Variants in HIGD1A observed in about 807,000 individuals in gnomAD.
HIGD1A encodes the protein HIG1 domain family member 1A, mitochondrial.
In HIGD1A, 8 loss-of-function variants were observed where a neutral mutation model predicts 11.3. The ratio of observed to expected loss-of-function variants is 0.71; its 90% CI spans 0.42 to 1.28. HIGD1A has a LOEUF of 1.28. HIGD1A is among the 50% of genes most tolerant of loss of function. The pLI, the probability that HIGD1A is intolerant of heterozygous loss-of-function variation, is 0.01. For missense variants in HIGD1A, 107 were observed against 118.8 expected (o/e 0.90, Z 0.46); for synonymous variants, 32 against 38.4 (o/e 0.83, Z 0.62).
Position 42,784,720 on chromosome 3 carries a change from A to T in HIGD1A, c.*551T>A, listed in dbSNP as rs1288042052. 1 of 152,738 alleles carries T rather than the reference A, an allele frequency of 6.5e-6. No homozygotes were observed. The highest frequency in any genetic ancestry group is 2.4e-5 in the African/African-American group (1 of 41,460). 9.5% of individuals were successfully genotyped at this position (152,738 alleles called of 1,614,324 possible). Reference sequence around the variant, plus strand: ...TTGTGATTCTTTAATAAATACTATTATGCAGCTCTATTGTTTAAGCTTTCT... The same window carrying T: ...TTGTGATTCTTTAATAAATACTATTTTGCAGCTCTATTGTTTAAGCTTTCT... On this transcript the variant is annotated 3_prime_UTR_variant, in exon 4 of 4. Transcript: ENST00000321331.
At chr3:42,802,192 G>C (rs1700573841) in intron 1 of HIGD1A, among the ~76,000 whole-genome samples, 1 of 151,968 alleles carries the variant, frequency 6.6e-6, no homozygotes, top group Non-Finnish European at 1.5e-5. Flanking sequence ...AGGAGGGAGG[G>C]GGTTAGTTGT....
intron 1 of HIGD1A, among the ~76,000 whole-genome samples, chr3:42,801,079 C>A: frequency 6.6e-6 from 1 of 152,208 alleles, no homozygotes; most frequent in East Asian, 1.9e-4. Flanking sequence ...TCTGTCCCTA[C>A]TGGCATGAGC....
intron 2 of HIGD1A, among the ~76,000 whole-genome samples, chr3:42,789,978 C>T (rs1157304363): frequency 6.6e-6 from 1 of 151,940 alleles, no homozygotes; most frequent in African/African-American, 2.4e-5. Flanking sequence ...TGCCTCAGCC[C>T]CGCAAAGCAC....
chr3:42,793,909 T>G (rs1388533109), intron 2 of HIGD1A, among the ~76,000 whole-genome samples: 1 of 151,842 alleles, frequency 6.6e-6, no homozygotes, highest in Non-Finnish European at 1.5e-5. Context: ...GGTCGAGGGA[T>G]GGGGGCAGTG....
chr3:42,799,484 A>G (rs1700527934), intron 1 of HIGD1A, among the ~76,000 whole-genome samples: 1 of 152,126 alleles, frequency 6.6e-6, no homozygotes, highest in Non-Finnish European at 1.5e-5. Context: ...GTTTTATGAG[A>G]CAGGGTCTAG....
chr3:42,785,904 T>G, intron 3 of HIGD1A, 124 bp downstream of exon 3: 1 of 838,286 alleles, frequency 1.2e-6, no homozygotes, highest in South Asian at 1.6e-5. Context: ...ATTTTTTACA[T>G]GAAAATGAGT....
chr3:42,789,775 G>A (rs145976310), intron 2 of HIGD1A, among the ~76,000 whole-genome samples: 3,914 of 152,154 alleles, frequency 0.026, 71 homozygotes, highest in Middle Eastern at 0.075. Flanking sequence ...CACCCAGGCT[G>A]TAGTGGCATG....
intron 1 of HIGD1A, among the ~76,000 whole-genome samples, chr3:42,803,185 G>A (rs1700590726): frequency 6.6e-6 from 1 of 152,228 alleles, no homozygotes; most frequent in African/African-American, 2.4e-5. Flanking sequence ...TCAGTTTGGA[G>A]AGCACAAATT....
chr3:42,796,775 TATTGATCTGGGTGGTGCCAGTTG>T (rs1394121999), intron 1 of HIGD1A, among the ~76,000 whole-genome samples: 2 of 152,052 alleles, frequency 1.3e-5, no homozygotes, highest in East Asian at 3.9e-4. Context: ...CGAGCCAGTT[TATTGATCTGGGTGGTGCCAGTTG>T]GTCTATCAAG....
intron 2 of HIGD1A, among the ~76,000 whole-genome samples, chr3:42,789,361 T>C (rs944792878): frequency 3.3e-5 from 5 of 152,012 alleles, no homozygotes; most frequent in African/African-American, 9.7e-5. Context: ...GAATTAACCA[T>C]TGCTTTTACA....
At chr3:42,796,727 T>C (rs1700504346) in intron 1 of HIGD1A, among the ~76,000 whole-genome samples, 3 of 152,084 alleles carry the variant, frequency 2.0e-5, no homozygotes, top group Middle Eastern at 3.2e-3. Context: ...TGTCCTCTTG[T>C]GCTGAGTCAG....
chr3:42,785,356 T>G, intron 3 of HIGD1A, 36 bp from the exon 4 acceptor site: 1 of 1,541,642 alleles, frequency 6.5e-7, no homozygotes, highest in African/African-American at 1.4e-5. Flanking sequence ...CATTTCAGTA[T>G]TTTCTTAAAT....
At chr3:42,804,317 GAC>G in intron 1 of HIGD1A, 117 bp downstream of exon 1, 1 of 881,914 alleles carries the variant, frequency 1.1e-6, no homozygotes, top group South Asian at 1.7e-5. Context: ...CCTCATTCGA[GAC>G]ACGGACTCCC....
chr3:42,800,885 A>G (rs551155476), intron 1 of HIGD1A, among the ~76,000 whole-genome samples: 1 of 151,942 alleles, frequency 6.6e-6, no homozygotes, highest in African/African-American at 2.4e-5. Context: ...TTTGAAGTGA[A>G]TTCGGCAGCA....
At chr3:42,791,107 T>C (rs897449339) in intron 2 of HIGD1A, among the ~76,000 whole-genome samples, 36 of 152,250 alleles carry the variant, frequency 2.4e-4, no homozygotes, top group African/African-American at 8.7e-4. Flanking sequence ...AAATCTCTCA[T>C]ATGTTTAGTA....
At chr3:42,801,588 C>T (rs550162149) in intron 1 of HIGD1A, among the ~76,000 whole-genome samples, 4 of 152,076 alleles carry the variant, frequency 2.6e-5, no homozygotes, top group Admixed American at 6.5e-5. Context: ...ATATTGAGTA[C>T]AAAAAAATAA....
intron 2 of HIGD1A, among the ~76,000 whole-genome samples, chr3:42,792,469 C>T (rs145257505): frequency 0.01 from 1,558 of 149,896 alleles, 28 homozygotes; most frequent in African/African-American, 0.036. Flanking sequence ...ATCAGGAGAT[C>T]GAGATCATCC....
Position 42,785,220 on chromosome 3 carries a change from C to T in HIGD1A, c.*51G>A. ...ATAATAGGTAACTTTAATAATAAGA[C>T]ATCTAACTAAAGCAAGCTCCTCCAA... On this transcript the variant is annotated 3_prime_UTR_variant, in exon 4 of 4. Coordinates refer to ENST00000321331, the MANE Select transcript of HIGD1A (RefSeq NM_014056.4). The T allele has an allele frequency of 1.5e-6, 2 of 1,377,144 alleles. No homozygotes were observed. Among genetic ancestry groups the T allele is most frequent in the South Asian group, 1.2e-5 (1 of 82,430 alleles). The allele number at this position is 1,377,144 out of a possible 1,614,324, so 85.3% of individuals were successfully genotyped here. A position where few individuals can be genotyped will look rare whatever the true frequency, so the allele number is the denominator to read the frequency against.
intron 1 of HIGD1A, among the ~76,000 whole-genome samples, chr3:42,800,981 A>G (rs1026171551): frequency 6.6e-6 from 1 of 152,172 alleles, no homozygotes; most frequent in South Asian, 2.1e-4. Context: ...AGTTGCTTTA[A>G]CAATATTAAA....
Sources: gnomAD v4.1 joint callset for allele counts (sites outside exome capture counted in the v4.1 genomes callset) on GRCh38, gnomAD v4.1.1 for gene constraint, MANE v1.5 for transcripts, NCBI Gene and HGNC (gene_info 2026-07-23, HGNC 2026-07-21) for gene names.